CHST1: variants seen among roughly 807,000 people sequenced by gnomAD.
CHST1 encodes the protein carbohydrate sulfotransferase 1, also known as Keratan sulfotransferase.
CHST1 carries 10 observed loss-of-function variants against 22.5 expected under a neutral mutation model. The ratio of observed to expected loss-of-function variants is 0.44; its 90% CI spans 0.27 to 0.75. The LOEUF (loss-of-function observed/expected upper bound fraction) is 0.75. Among genes scored for constraint, CHST1 ranks in the 30% least tolerant of loss-of-function variants. CHST1 has a pLI of 0.15. For synonymous variants in CHST1, 267 were observed against 264.5 expected, an observed-to-expected ratio of 1.01 and a Z score of -0.09; for missense variants, 439 against 576.1, an observed-to-expected ratio of 0.76 and a Z score of 2.44.
chr11:45,658,093 A>C (rs1476903514), intron 1 of CHST1, among the ~76,000 whole-genome samples: 1 of 152,196 alleles, frequency 6.6e-6, no homozygotes, highest in Non-Finnish European at 1.5e-5. Context: ...AGGTACCCAC[A>C]AGCATTCAGG....
intron 1 of CHST1, among the ~76,000 whole-genome samples, chr11:45,661,264 G>A (rs539919003): frequency 1.1e-4 from 17 of 152,372 alleles, no homozygotes; most frequent in African/African-American, 4.1e-4. Context: ...AGAGGAAGGG[G>A]CTGGAGGGCC....
intron 1 of CHST1, among the ~76,000 whole-genome samples, chr11:45,663,651 C>G (rs977899383): frequency 1.3e-5 from 2 of 152,030 alleles, no homozygotes; most frequent in Non-Finnish European, 2.9e-5. Flanking sequence ...CAGAGACTTG[C>G]TCTCCCTGGT....
chr11:45,657,475 C>T (rs1403981281), intron 1 of CHST1, among the ~76,000 whole-genome samples: 1 of 152,238 alleles, frequency 6.6e-6, no homozygotes, highest in African/African-American at 2.4e-5. Flanking sequence ...AAAGCATCCA[C>T]TCAAGAGATG....
At chr11:45,658,263 C>G (rs78786620) in intron 1 of CHST1, among the ~76,000 whole-genome samples, 1 of 152,334 alleles carries the variant, frequency 6.6e-6, no homozygotes, top group East Asian at 1.9e-4. Context: ...GAAACAATCA[C>G]AGAATCTTTC....
At chr11:45,656,006 T>G (rs1204652744) in intron 1 of CHST1, among the ~76,000 whole-genome samples, 1 of 152,212 alleles carries the variant, frequency 6.6e-6, no homozygotes, top group Non-Finnish European at 1.5e-5. Context: ...GTCCCCCACC[T>G]CGGCCTGATC....
intron 1 of CHST1, among the ~76,000 whole-genome samples, chr11:45,663,325 C>A (rs1426825714): frequency 6.6e-6 from 1 of 152,148 alleles, no homozygotes; most frequent in Non-Finnish European, 1.5e-5. Flanking sequence ...GTCAGCACCA[C>A]CCTTGCCCAG....
chr11:45,654,841 G>T (rs1852042872), intron 1 of CHST1, among the ~76,000 whole-genome samples: 1 of 152,200 alleles, frequency 6.6e-6, no homozygotes, highest in South Asian at 2.1e-4. Context: ...CACAGACTGG[G>T]AGCAGTGAAC....
In CHST1 at chr11:45,650,696, C is replaced by G. The variant is rs202058464; in HGVS notation, c.228G>C (p.Val76=). The part of the protein sequence containing the change: ...LATTRSGSSF[V]GQLFNQHLDV... ...CCAGGTGCTGGTTGAAGAGCTGGCC[C>G]ACGAAGGAGGAGCCACTGCGCGTGG... The change falls in exon 4 of 4, where the codon GTG becomes GTC. Residue 76 remains valine, a synonymous_variant. Coordinates refer to ENST00000308064, the MANE Select transcript of CHST1 (RefSeq NM_003654.6). 6.2e-7 allele frequency: 1 copy of G among 1,614,100 alleles called. No individual in the cohort carries two copies. Among genetic ancestry groups the G allele is most frequent in the East Asian group, 2.2e-5 (1 of 44,858 alleles).
chr11:45,665,452 G>T lies in CHST1; in HGVS notation c.-501C>A, dbSNP rs1852188444. 2.0e-5 allele frequency: 3 copies of T among 151,804 alleles called. No homozygotes were observed. The highest frequency in any genetic ancestry group is 7.2e-5 in the African/African-American group (3 of 41,380). 9.4% of individuals were successfully genotyped at this position (151,804 alleles called of 1,614,324 possible). On this transcript the variant is annotated 5_prime_UTR_variant, in exon 1 of 4. Coordinates refer to ENST00000308064, the MANE Select transcript of CHST1 (RefSeq NM_003654.6). The surrounding 1 kb of genome is among the most constrained non-coding windows in gnomAD (Gnocchi z 4.0). ...TCTCTCCGGCCGGACGCGGGACCCG[G>T]GGCCGGGGCTCAGGGACCCGAGAGA...
rs1283107634 is a variant in CHST1 at position 45,648,724 on chromosome 11, C to T, written c.*964G>A. Among the ~76,000 whole-genome samples the T allele has an allele frequency of 2.0e-5, 3 of 152,034 alleles. No homozygotes were observed. The highest frequency in any genetic ancestry group is 7.2e-5 in the African/African-American group (3 of 41,400). The stretch of plus-strand genomic sequence containing the variant: ...ACAAAACAAAAACCTAAACTAAACT[C>T]AGTGTTGAGGGTGACAAGAGTTCTG... On this transcript the variant is annotated 3_prime_UTR_variant, in exon 4 of 4. Coordinates refer to ENST00000308064, the MANE Select transcript of CHST1 (RefSeq NM_003654.6).
intron 1 of CHST1, among the ~76,000 whole-genome samples, chr11:45,654,985 A>G (rs1329460847): frequency 1.3e-5 from 2 of 152,188 alleles, no homozygotes; most frequent in Non-Finnish European, 2.9e-5. Flanking sequence ...CCATCCATAA[A>G]GTGGTCATAG....
rs777558738 is a variant in CHST1, at chr11:45,649,714, C to G, written c.1210G>C (p.Glu404Gln). The G allele has an allele frequency of 1.3e-6, 2 of 1,589,726 alleles. No homozygotes were observed. Among genetic ancestry groups the G allele is most frequent in the South Asian group, 2.2e-5 (2 of 89,180 alleles). The change falls in exon 4 of 4, where the codon GAG becomes CAG. Residue 404 changes from glutamate (E) to glutamine (Q), a missense_variant. Transcript: ENST00000308064. ...CACGAGAAGGGGCGGAAGTCCCGCT[C>G]CTCCACCAGGCTGACCGAGGGGTTC... ...LKNPSVSLVE[E>Q]RDFRPFS
intron 1 of CHST1, among the ~76,000 whole-genome samples, chr11:45,662,868 AC>A (rs1852152109): frequency 6.6e-6 from 1 of 152,066 alleles, no homozygotes; most frequent in South Asian, 2.1e-4. Flanking sequence ...GTGGGGAGAG[AC>A]AGCCCCTCTG....
chr11:45,648,436 CT>C lies in CHST1; in HGVS notation c.*1251del, dbSNP rs1851944525. Among the ~76,000 whole-genome samples the C allele has an allele frequency of 6.6e-6, 1 of 151,506 alleles. No homozygotes were observed. The highest frequency in any genetic ancestry group is 2.4e-5 in the African/African-American group (1 of 41,134). ...GTGGCTCAAGTCTGCAATCCCAGCACTTTGGGAGGCTGAGGCAGGAGGAATG... is the reference window on the plus strand; with the variant it reads ...GTGGCTCAAGTCTGCAATCCCAGCACTTGGGAGGCTGAGGCAGGAGGAATG... On this transcript the variant is annotated 3_prime_UTR_variant, in exon 4 of 4. Transcript: ENST00000308064.
intron 1 of CHST1, among the ~76,000 whole-genome samples, chr11:45,658,301 C>T (rs542419279): frequency 2.0e-5 from 3 of 152,264 alleles, no homozygotes; most frequent in Non-Finnish European, 2.9e-5. Flanking sequence ...GACAGAAGGC[C>T]GATGGATGCC....
rs1851982122 is a variant in CHST1, at chr11:45,650,567, G to GCC, written c.356_357insGG (p.Ser120AlafsTer72). ...AGAGGCTCCGCAGGAGGTCGCGGCTGGCGCCTAGCATGACCCGCCGGTCGG... is the reference window on the plus strand; with the variant it reads ...AGAGGCTCCGCAGGAGGTCGCGGCTGCCGCGCCTAGCATGACCCGCCGGTCGG... On this transcript the variant is annotated frameshift_variant, in exon 4 of 4. Coordinates refer to ENST00000308064, the MANE Select transcript of CHST1 (RefSeq NM_003654.6). LOFTEE classifies it high-confidence loss of function. The GCC allele has an allele frequency of 6.2e-7, 1 of 1,613,802 alleles. No homozygotes were observed. Among genetic ancestry groups the GCC allele is most frequent in the Non-Finnish European group, 8.5e-7 (1 of 1,179,994 alleles).
chr11:45,649,760 G>A lies in CHST1; in HGVS notation c.1164C>T (p.Ala388=), dbSNP rs144296253. 1.6e-4 allele frequency: 252 copies of A among 1,610,756 alleles called. No homozygotes were observed. Among genetic ancestry groups the A allele is most frequent in the Non-Finnish European group, 2.0e-4 (236 of 1,179,430 alleles). ...QVLAQLGYKI[A]ASEEELKNPS... is the part of the protein sequence containing the mutation. ...GGTTCTTCAGCTCCTCCTCCGAGGC[G>A]GCGATCTTGTAGCCCAGCTGGGCCA... The change falls in exon 4 of 4, where the codon GCC becomes GCT. Residue 388 remains alanine, a synonymous_variant. Transcript: ENST00000308064.
chr11:45,654,808 T>C (rs1248585396), intron 1 of CHST1, among the ~76,000 whole-genome samples: 1 of 152,172 alleles, frequency 6.6e-6, no homozygotes, highest in Non-Finnish European at 1.5e-5. Context: ...CAGATTTCAT[T>C]ATCAGTGAAC....
At chr11:45,662,093 A>G (rs1191900001) in intron 1 of CHST1, among the ~76,000 whole-genome samples, 1 of 152,192 alleles carries the variant, frequency 6.6e-6, no homozygotes, top group African/African-American at 2.4e-5. Context: ...CTTTCTGAAG[A>G]GCTCCCTGTC....
Sources: gnomAD v4.1 joint callset for allele counts (sites outside exome capture counted in the v4.1 genomes callset) on GRCh38, gnomAD v4.1.1 for gene constraint, Gnocchi (gnomAD v3.1) non-coding constraint, MANE v1.5 for transcripts, NCBI Gene and HGNC (gene_info 2026-07-23, HGNC 2026-07-21) for gene names.